SVEP1: variants seen among roughly 807,000 people sequenced by gnomAD.
SVEP1 encodes sushi, von Willebrand factor type A, EGF and pentraxin domain-containing protein 1.
A neutral mutation model predicts 367.3 loss-of-function variants in SVEP1; 164 were observed. That is an observed-to-expected ratio of 0.45 (90% confidence interval 0.39 to 0.51). The LOEUF is 0.51. Among genes scored for constraint, SVEP1 ranks in the 20% least tolerant of loss-of-function variants. The pLI, the probability that SVEP1 is intolerant of heterozygous loss-of-function variation, is 0.00. For synonymous variants in SVEP1, 1,666 were observed against 1,611.6 expected, an observed-to-expected ratio of 1.03 and a Z score of -0.81; for missense variants, 4,117 against 4,425.3, an observed-to-expected ratio of 0.93 and a Z score of 1.98.
chr9:110,461,188 G>A (rs977511515), intron 18 of SVEP1, among the ~76,000 whole-genome samples: 4 of 152,086 alleles, frequency 2.6e-5, no homozygotes, highest in South Asian at 2.1e-4. Flanking sequence ...AAACAAGCTC[G>A]GGTTTTCCTC....
chr9:110,534,364 C>G (rs1462699240), intron 3 of SVEP1, among the ~76,000 whole-genome samples: 1 of 152,090 alleles, frequency 6.6e-6, no homozygotes, highest in East Asian at 1.9e-4. Context: ...GATCTCATTC[C>G]TTTTCATGGC....
At chr9:110,450,014 T>G (rs376923778) in intron 24 of SVEP1, 45 bp downstream of exon 24, 6 of 1,601,240 alleles carry the variant, frequency 3.7e-6, no homozygotes, top group Non-Finnish European at 1.7e-6. Context: ...CACTGAATAG[T>G]TTAAAAAATA....
rs1827515824 is a variant in SVEP1, at chr9:110,385,979, C to T, written c.10156G>A (p.Glu3386Lys). The T allele has an allele frequency of 2.5e-6, 4 of 1,613,952 alleles. No homozygotes were observed. The East Asian group carries it at 6.7e-5, about 27-fold the overall frequency. The change falls in exon 43 of 48, where the codon GAA (glutamate) becomes AAA (lysine). Residue 3386 changes from glutamate (E) to lysine (K), a missense_variant. Coordinates refer to ENST00000374469, the MANE Select transcript of SVEP1 (RefSeq NM_153366.4). ...VDQNVSIKCR[E>K]GFLLQGHGII... Reference sequence around the variant, plus strand: ...CCGTGGCCCTGCAGCAGAAAACCTTCCCTACATTTGATGGACACATTCTGA... The same window carrying T: ...CCGTGGCCCTGCAGCAGAAAACCTTTCCTACATTTGATGGACACATTCTGA...
chr9:110,510,792 G>C (rs978702221), intron 5 of SVEP1, among the ~76,000 whole-genome samples: 3 of 152,200 alleles, frequency 2.0e-5, no homozygotes. Flanking sequence ...TTGGAAGAAG[G>C]GGTAAAGATT....
chr9:110,400,030 T>C (rs1827832438), intron 40 of SVEP1, among the ~76,000 whole-genome samples: 1 of 152,228 alleles, frequency 6.6e-6, no homozygotes, highest in Non-Finnish European at 1.5e-5. Context: ...GAAGGGATTT[T>C]AATATTACAA....
At position 110,404,529 on chromosome 9, in the gene SVEP1, TC is replaced by T; in HGVS notation, c.9463del (p.Asp3155IlefsTer33). The T allele has an allele frequency of 6.2e-7, 1 of 1,613,986 alleles. No homozygotes were observed. Among genetic ancestry groups the T allele is most frequent in the Non-Finnish European group, 8.5e-7 (1 of 1,179,868 alleles). ...ACAGGTGAATGTATCTGTATCTGTA[TC>T]CATCGTATAACCTTCCAGACATCTG... Reference protein sequence around the residue: ...KLRCLEGYTMDTDTDTFTCQK... With the variant: ...KLRCLEGYTMXTDTDTFTCQK... On this transcript the variant is annotated frameshift_variant, in exon 39 of 48. Coordinates refer to ENST00000374469, the MANE Select transcript of SVEP1 (RefSeq NM_153366.4). LOFTEE classifies it high-confidence loss of function.
intron 12 of SVEP1, among the ~76,000 whole-genome samples, 171 bp downstream of exon 12, chr9:110,481,071 T>A (rs933523962): frequency 1.4e-4 from 22 of 152,214 alleles, no homozygotes; most frequent in Non-Finnish European, 2.6e-4. Flanking sequence ...AAGACTTTAG[T>A]GACTAATATT....
intron 41 of SVEP1, 59 bp from the exon 42 acceptor site, chr9:110,387,517 T>C: frequency 1.4e-6 from 2 of 1,467,948 alleles, no homozygotes; most frequent in Non-Finnish European, 1.8e-6. Context: ...TTTCCTTCTT[T>C]TCCTATGATT....
At chr9:110,530,984 T>A (rs1830011319) in intron 3 of SVEP1, among the ~76,000 whole-genome samples, 1 of 152,210 alleles carries the variant, frequency 6.6e-6, no homozygotes, top group Non-Finnish European at 1.5e-5. Context: ...AAAAGTGTAA[T>A]GTTTCTCCAT....
At chr9:110,496,667 A>G in intron 8 of SVEP1, 148 bp downstream of exon 8, 3 of 509,078 alleles carry the variant, frequency 5.9e-6, no homozygotes, top group East Asian at 3.2e-5. Flanking sequence ...ACTCACTTTC[A>G]TATATACATC....
Position 110,408,795 on chromosome 9 carries a change from G to A in SVEP1, c.6805C>T (p.Pro2269Ser), listed in dbSNP as rs1827997542. The A allele has an allele frequency of 6.2e-7, 1 of 1,613,048 alleles. No homozygotes were observed. The highest frequency in any genetic ancestry group is 1.7e-5 in the Admixed American group (1 of 59,996). The change falls in exon 38 of 48, where the codon CCG becomes TCG. Residue 2269 changes from proline (P) to serine (S), a missense_variant. This residue lies in a region of SVEP1 where 1,765 missense variants were observed against 1,781.1 expected (regional missense o/e 0.99). Coordinates refer to ENST00000374469, the MANE Select transcript of SVEP1 (RefSeq NM_153366.4). The stretch of plus-strand genomic sequence containing the variant: ...CCTTTCATGAAGCCATTCTGGATCG[G>A]GGGAGGTTTTCCACAGTCGAGAGGA... ...CVPLDCGKPPPIQNGFMKGEN... is the reference protein window; with the variant it reads ...CVPLDCGKPPSIQNGFMKGEN...
At chr9:110,394,720 G>A (rs1329631690) in intron 40 of SVEP1, among the ~76,000 whole-genome samples, 3 of 152,216 alleles carry the variant, frequency 2.0e-5, no homozygotes, top group African/African-American at 7.2e-5. Context: ...AGCCTCAATA[G>A]CTGATGCAAT....
rs1324081806 is a variant in SVEP1 at position 110,441,762 on chromosome 9, C to T, written c.4639+1783G>A. Among the ~76,000 whole-genome samples, 4 of 152,164 alleles carry T rather than the reference C, an allele frequency of 2.6e-5. No individual in the cohort carries two copies. In the South Asian group the frequency reaches 6.2e-4, roughly 24 times the overall value. Reference sequence around the variant, plus strand: ...CCCTGCACTGGGGAGTCCTTTTGTCCTCTGGTTGGAAACCTCTTTGTTGTT... The same window carrying T: ...CCCTGCACTGGGGAGTCCTTTTGTCTTCTGGTTGGAAACCTCTTTGTTGTT... On this transcript the variant is annotated intron_variant, in intron 27 of 47. Coordinates refer to ENST00000374469, the MANE Select transcript of SVEP1 (RefSeq NM_153366.4).
chr9:110,481,200 T>A, intron 12 of SVEP1, 42 bp downstream of exon 12: 1 of 1,365,460 alleles, frequency 7.3e-7, no homozygotes, highest in South Asian at 2.1e-5. Context: ...TGTACACACA[T>A]TCACACACAT....
At chr9:110,425,895 G>A (rs554480831) in intron 36 of SVEP1, among the ~76,000 whole-genome samples, 8 of 152,238 alleles carry the variant, frequency 5.3e-5, no homozygotes, top group African/African-American at 1.9e-4. Flanking sequence ...AATCATGGAT[G>A]ACTTTTAAAT....
At chr9:110,448,872 C>T (rs1197068566) in intron 24 of SVEP1, among the ~76,000 whole-genome samples, 1 of 152,178 alleles carries the variant, frequency 6.6e-6, no homozygotes, top group Non-Finnish European at 1.5e-5. Context: ...GTCTCATTGG[C>T]AGAGTTGCCT....
At chr9:110,380,595 G>A (rs554673668) in intron 43 of SVEP1, among the ~76,000 whole-genome samples, 44 of 152,148 alleles carry the variant, frequency 2.9e-4, no homozygotes, top group African/African-American at 1.1e-3. Context: ...TCGGTTCTCC[G>A]GTATTTTATT....
At chr9:110,483,782 G>T in intron 9 of SVEP1, 89 bp from the exon 10 acceptor site, 2 of 916,390 alleles carry the variant, frequency 2.2e-6, no homozygotes, top group Non-Finnish European at 3.1e-6. Context: ...GTCGGCTTGT[G>T]CTGGCAGACA....
At chr9:110,367,604 C>A (rs1255839519) in intron 47 of SVEP1, among the ~76,000 whole-genome samples, 1 of 152,192 alleles carries the variant, frequency 6.6e-6, no homozygotes, top group African/African-American at 2.4e-5. Flanking sequence ...AGACTCTCCT[C>A]CCTTTTACCC....
Sources: gnomAD v4.1 joint callset for allele counts (sites outside exome capture counted in the v4.1 genomes callset) on GRCh38, gnomAD v4.1.1 for gene constraint, gnomAD v4.1.1 regional missense constraint, MANE v1.5 for transcripts, NCBI Gene and HGNC (gene_info 2026-07-23, HGNC 2026-07-21) for gene names.